Variants in ERCC6L2 observed in about 807,000 individuals in gnomAD.
The protein encoded by ERCC6L2 is DNA excision repair protein ERCC-6-like 2.
Under a neutral mutation model 132.0 loss-of-function variants are expected in ERCC6L2, and 77 were observed. The ratio of observed to expected loss-of-function variants is 0.58; its 90% CI spans 0.49 to 0.71. The LOEUF (loss-of-function observed/expected upper bound fraction) is 0.71, where lower values mean the gene tolerates loss of function less well. Among genes scored for constraint, ERCC6L2 ranks in the 30% least tolerant of loss-of-function variants. The probability of loss-of-function intolerance (pLI) is 0.00; values close to 1 mark genes in which losing one functional copy is unlikely to be tolerated. For synonymous variants in ERCC6L2, 583 were observed against 632.4 expected (o/e 0.92, Z 1.17); for missense variants, 1,542 against 1,837.6 (o/e 0.84, Z 2.94).
intron 9 of ERCC6L2, among the ~76,000 whole-genome samples, chr9:95,924,010 A>C (rs1253098593): frequency 6.6e-6 from 1 of 152,240 alleles, no homozygotes; most frequent in African/African-American, 2.4e-5. Context: ...TGGCAGCAGC[A>C]TGAAATGCTG....
At chr9:95,933,003 A>G (rs1422803916) in intron 11 of ERCC6L2, among the ~76,000 whole-genome samples, 7 of 152,178 alleles carry the variant, frequency 4.6e-5, no homozygotes, top group Non-Finnish European at 5.9e-5. Flanking sequence ...GCAGAGAGAG[A>G]GAGAGTCTAG....
At chr9:95,983,081 T>C (rs1832954622) in intron 17 of ERCC6L2, among the ~76,000 whole-genome samples, 1 of 152,176 alleles carries the variant, frequency 6.6e-6, no homozygotes, top group African/African-American at 2.4e-5. Context: ...TGATTATTGC[T>C]TACCAATAGG....
chr9:95,892,555 T>G (rs1313757513), intron 2 of ERCC6L2, among the ~76,000 whole-genome samples: 2 of 151,842 alleles, frequency 1.3e-5, no homozygotes, highest in African/African-American at 4.8e-5. Context: ...CCCAAGTAGC[T>G]GGGATTATAG....
chr9:96,005,774 G>A (rs957771211), intron 18 of ERCC6L2, among the ~76,000 whole-genome samples: 10 of 152,112 alleles, frequency 6.6e-5, no homozygotes, highest in African/African-American at 2.4e-4. Flanking sequence ...ACGATCTGAT[G>A]TATCTTTTTA....
At chr9:95,965,140 A>C (rs1587990082) in intron 13 of ERCC6L2, among the ~76,000 whole-genome samples, 1 of 152,282 alleles carries the variant, frequency 6.6e-6, no homozygotes, top group Middle Eastern at 3.4e-3. Flanking sequence ...CTTTAAATGA[A>C]GGTCCCGAGG....
At position 95,876,038 on chromosome 9, in the gene ERCC6L2, G is replaced by T. The variant is rs758868728; in HGVS notation, c.-1G>T. 82 of 1,589,234 alleles carry T rather than the reference G, an allele frequency of 5.2e-5. 1 individual carries two copies. The South Asian group carries it at 9.3e-4, about 18-fold the overall frequency. ...CGGGCTCGGCCCCTCCCCCTGGCCG[G>T]ATGGATCCGTCGGCGCCACAGCCCC... is the stretch of plus-strand genomic sequence containing the variant. On this transcript the variant is annotated 5_prime_UTR_variant, in exon 1 of 19. Transcript: ENST00000653738.
chr9:95,896,456 G>A (rs1215221268), intron 2 of ERCC6L2, among the ~76,000 whole-genome samples: 1 of 145,162 alleles, frequency 6.9e-6, no homozygotes, highest in Non-Finnish European at 1.5e-5. Flanking sequence ...GGGTCTTGCT[G>A]TGTGGCCCAG....
At chr9:95,900,722 A>G (rs1264240562) in intron 3 of ERCC6L2, among the ~76,000 whole-genome samples, 1 of 152,090 alleles carries the variant, frequency 6.6e-6, no homozygotes, top group African/African-American at 2.4e-5. Context: ...AATGTTGCTT[A>G]TATTGTGCAT....
chr9:95,927,658 GAACACA>G (rs879453995), intron 9 of ERCC6L2, among the ~76,000 whole-genome samples: 13 of 152,110 alleles, frequency 8.5e-5, no homozygotes, highest in Non-Finnish European at 1.5e-4. Flanking sequence ...AGATGTAATT[GAACACA>G]TTTCATTACA....
Position 95,904,227 on chromosome 9 carries a change from AT to A in ERCC6L2, c.595-2846del, listed in dbSNP as rs1828921140. ...TAATTTTTCTGTAAAGGTATAATTT[AT>A]TTTTCATTTTGATATCACACTTCTT... is the stretch of plus-strand genomic sequence containing the variant. On this transcript the variant is annotated intron_variant, in intron 3 of 18. Transcript: ENST00000653738. 3.3e-5 allele frequency among the ~76,000 whole-genome samples: 5 copies of A among 152,048 alleles called. No homozygotes were observed. In the South Asian group the frequency reaches 1.0e-3, roughly 32 times the overall value.
Position 95,899,625 on chromosome 9 carries a change from TGTGTGTGC to T in ERCC6L2, c.594+1657_594+1664del, listed in dbSNP as rs772660163. 3.8e-4 allele frequency among the ~76,000 whole-genome samples: 57 copies of T among 148,744 alleles called. 1 individual carries two copies. Among genetic ancestry groups the T allele is most frequent in the South Asian group, 1.1e-3 (5 of 4,640 alleles). ...ATGTGTGTGTGTGTGTGTGTGTGTGTGTGTGTGCGTATGTATGCATATGCGATGTATCA... is the reference window on the plus strand; with the variant it reads ...ATGTGTGTGTGTGTGTGTGTGTGTGTGTATGTATGCATATGCGATGTATCA... On this transcript the variant is annotated intron_variant, in intron 3 of 18. Transcript: ENST00000653738.
At chr9:96,001,066 T>C (rs1007154332) in intron 17 of ERCC6L2, among the ~76,000 whole-genome samples, 1 of 152,062 alleles carries the variant, frequency 6.6e-6, no homozygotes. Flanking sequence ...TTACAGCTCT[T>C]AAGGCAGCGC....
intron 17 of ERCC6L2, among the ~76,000 whole-genome samples, chr9:95,984,330 T>C (rs574180163): frequency 2.9e-4 from 44 of 150,314 alleles, no homozygotes; most frequent in African/African-American, 1.0e-3. Flanking sequence ...TATGTGTATA[T>C]ATATATGTAA....
chr9:95,972,517 G>A lies in ERCC6L2; in HGVS notation c.2766G>A (p.Lys922=). The change falls in exon 16 of 19, where the codon AAG becomes AAA. Residue 922 remains lysine (K), a synonymous_variant. Coordinates refer to ENST00000653738, the MANE Select transcript of ERCC6L2 (RefSeq NM_020207.7). ...TCCCCGACAATAGTATAAGGTTTAA[G>A]CCACCCTTGGAAGGATCTGAGGATT... ...ERFPDNSIRF[K]PPLEGSEDSE... 1.6e-6 allele frequency: 2 copies of A among 1,289,960 alleles called. No homozygotes were observed. Among genetic ancestry groups the A allele is most frequent in the Non-Finnish European group, 2.0e-6 (2 of 988,910 alleles). 79.9% of individuals were successfully genotyped at this position (1,289,960 alleles called of 1,614,324 possible).
intron 16 of ERCC6L2, among the ~76,000 whole-genome samples, chr9:95,974,364 C>A (rs919243235): frequency 1.3e-5 from 2 of 152,046 alleles, no homozygotes; most frequent in Non-Finnish European, 2.9e-5. Context: ...CCATTCTTTT[C>A]TTAGTAATTG....
At chr9:95,905,641 A>G (rs12685221) in intron 3 of ERCC6L2, among the ~76,000 whole-genome samples, 19,771 of 152,226 alleles carry the variant, frequency 0.13, 1,360 homozygotes, top group South Asian at 0.23. Flanking sequence ...AAGGACGGAC[A>G]TACTTGAGAT....
At chr9:95,905,527 T>C (rs998377434) in intron 3 of ERCC6L2, among the ~76,000 whole-genome samples, 1 of 152,092 alleles carries the variant, frequency 6.6e-6, no homozygotes, top group South Asian at 2.1e-4. Flanking sequence ...TCTCGTAATA[T>C]ACAAAAAAAT....
In ERCC6L2 at chr9:95,907,076, A is replaced by T; in HGVS notation, c.595-2A>T. The T allele has an allele frequency of 6.3e-7, 1 of 1,585,262 alleles. No homozygotes were observed. Among genetic ancestry groups the T allele is most frequent in the Non-Finnish European group, 8.5e-7 (1 of 1,172,672 alleles). ...AGCAAAATTTTTTTATTCTTGTTTT[A>T]GATGTTCTTAATAGTTGCTCCTCTT... On this transcript the variant is annotated splice_acceptor_variant, in intron 3 of 18. Coordinates refer to ENST00000653738, the MANE Select transcript of ERCC6L2 (RefSeq NM_020207.7). LOFTEE classifies it high-confidence loss of function.
intron 12 of ERCC6L2, among the ~76,000 whole-genome samples, chr9:95,949,045 AAGAG>A (rs765825293): frequency 4.2e-4 from 63 of 151,352 alleles, no homozygotes; most frequent in Non-Finnish European, 3.1e-4. Context: ...AAAAGAAAAA[AAGAG>A]AGAGAACCAA....
Sources: gnomAD v4.1 joint callset for allele counts (sites outside exome capture counted in the v4.1 genomes callset) on GRCh38, gnomAD v4.1.1 for gene constraint, MANE v1.5 for transcripts, NCBI Gene and HGNC (gene_info 2026-07-23, HGNC 2026-07-21) for gene names.